Variants in GPC5 observed in about 807,000 individuals in gnomAD.
GPC5 encodes glypican-5.
Under a neutral mutation model 53.9 loss-of-function variants are expected in GPC5, and 47 were observed. The observed-to-expected ratio is 0.87, with a 90% CI of 0.69 to 1.11. The LOEUF is 1.11. Ranked by LOEUF, GPC5 falls within the 50% of genes most tolerant of loss-of-function variation. GPC5 has a pLI of 0.00. For synonymous variants in GPC5, 286 were observed against 263.3 expected (o/e 1.09, Z -0.84); for missense variants, 748 against 713.1 (o/e 1.05, Z -0.56).
intron 6 of GPC5, among the ~76,000 whole-genome samples, chr13:92,114,255 C>T (rs968139083): frequency 1.3e-5 from 2 of 152,190 alleles, no homozygotes; most frequent in Admixed American, 6.5e-5. Context: ...TCCCACCCCA[C>T]GTGTGATTCC....
At chr13:92,341,234 G>T (rs1369369908) in intron 7 of GPC5, among the ~76,000 whole-genome samples, 1 of 151,998 alleles carries the variant, frequency 6.6e-6, no homozygotes, top group Non-Finnish European at 1.5e-5. Flanking sequence ...GACTTCTAGA[G>T]GCTTTACTCT....
intron 7 of GPC5, among the ~76,000 whole-genome samples, chr13:92,491,350 A>C (rs879298834): frequency 7.9e-5 from 12 of 152,184 alleles, no homozygotes; most frequent in Admixed American, 6.5e-5. Context: ...ATTACTTTAT[A>C]TAATTCAGTC....
chr13:92,221,685 C>T (rs778636431), intron 7 of GPC5, among the ~76,000 whole-genome samples: 5 of 151,914 alleles, frequency 3.3e-5, no homozygotes, highest in Non-Finnish European at 7.4e-5. Flanking sequence ...ATTCTTCTTG[C>T]GCAAAGTGCA....
intron 6 of GPC5, among the ~76,000 whole-genome samples, chr13:92,111,763 G>T (rs560941843): frequency 5.2e-4 from 79 of 152,198 alleles, no homozygotes; most frequent in Non-Finnish European, 8.2e-4. Flanking sequence ...GGCAACAATG[G>T]GGAATAACTA....
At chr13:92,702,661 T>C (rs2139252862) in intron 7 of GPC5, among the ~76,000 whole-genome samples, 1 of 152,216 alleles carries the variant, frequency 6.6e-6, no homozygotes, top group Non-Finnish European at 1.5e-5. Flanking sequence ...ATTGCAACAG[T>C]GTCCTAATGG....
In GPC5 at chr13:91,693,318, T is replaced by C; in HGVS notation, c.457T>C (p.Phe153Leu). ...CTTCACTGATGTGGGGCTGTATTTA[T>C]TTGGTGCGGATGTTAATCCTGAAGA... ...EFFTDVGLYL[F>L]GADVNPEEFV... The change falls in exon 3 of 8, where the codon TTT becomes CTT. Residue 153 changes from phenylalanine (F) to leucine (L), a missense_variant. Coordinates refer to ENST00000377067, the MANE Select transcript of GPC5 (RefSeq NM_004466.6). The C allele has an allele frequency of 6.2e-7, 1 of 1,614,108 alleles. No homozygotes were observed. Among genetic ancestry groups the C allele is most frequent in the Non-Finnish European group, 8.5e-7 (1 of 1,180,018 alleles).
intron 1 of GPC5, among the ~76,000 whole-genome samples, chr13:91,410,859 T>C (rs867432480): frequency 2.6e-5 from 4 of 152,130 alleles, no homozygotes; most frequent in Admixed American, 6.5e-5. Flanking sequence ...TTTTCACATC[T>C]CAGCACTTTG....
intron 5 of GPC5, among the ~76,000 whole-genome samples, chr13:91,883,989 T>C (rs1261620512): frequency 6.6e-6 from 1 of 151,590 alleles, no homozygotes; most frequent in African/African-American, 2.4e-5. Flanking sequence ...CCAACAAACA[T>C]ATGAAAAAAA....
At chr13:92,278,793 C>A (rs953968696) in intron 7 of GPC5, among the ~76,000 whole-genome samples, 1 of 151,970 alleles carries the variant, frequency 6.6e-6, no homozygotes, top group African/African-American at 2.4e-5. Context: ...CACTCCTCCC[C>A]CCGTTGACTT....
intron 7 of GPC5, among the ~76,000 whole-genome samples, chr13:92,464,756 A>T (rs975446515): frequency 6.6e-6 from 1 of 152,022 alleles, no homozygotes; most frequent in Non-Finnish European, 1.5e-5. Context: ...ATTATATAGC[A>T]TATCATGATA....
At chr13:91,697,668 AATT>A (rs1156411547) in intron 3 of GPC5, among the ~76,000 whole-genome samples, 1 of 152,112 alleles carries the variant, frequency 6.6e-6, no homozygotes, top group Non-Finnish European at 1.5e-5. Context: ...CTTGTTAATA[AATT>A]ATTAATTCAT....
At chr13:91,989,704 A>G (rs1166351557) in intron 6 of GPC5, among the ~76,000 whole-genome samples, 2 of 152,220 alleles carry the variant, frequency 1.3e-5, no homozygotes, top group Admixed American at 1.3e-4. Flanking sequence ...AAGTGTTTCA[A>G]CAATGATTAC....
intron 7 of GPC5, among the ~76,000 whole-genome samples, chr13:92,480,611 C>G (rs2209831): frequency 1.3e-5 from 2 of 152,026 alleles, no homozygotes; most frequent in Non-Finnish European, 2.9e-5. Context: ...GTCTCATGGT[C>G]GCAAGATGAC....
chr13:92,536,553 A>T (rs1320380344), intron 7 of GPC5, among the ~76,000 whole-genome samples: 1 of 152,138 alleles, frequency 6.6e-6, no homozygotes, highest in African/African-American at 2.4e-5. Context: ...ACCCCACTCT[A>T]GGTGTCCAGC....
intron 7 of GPC5, among the ~76,000 whole-genome samples, chr13:92,625,240 A>G (rs1254862524): frequency 6.6e-6 from 1 of 152,192 alleles, no homozygotes; most frequent in Admixed American, 6.5e-5. Context: ...CACATATTAA[A>G]TTAGTTTCTT....
intron 7 of GPC5, among the ~76,000 whole-genome samples, chr13:92,317,885 G>A (rs1233436520): frequency 1.3e-5 from 2 of 152,054 alleles, no homozygotes; most frequent in African/African-American, 2.4e-5. Context: ...GGAATACCTC[G>A]ACAGTATAAA....
At position 92,152,651 on chromosome 13, in the gene GPC5, A is replaced by G. The variant is rs145090391; in HGVS notation, c.1561+7662A>G. On this transcript the variant is annotated intron_variant, in intron 7 of 7. Coordinates refer to ENST00000377067, the MANE Select transcript of GPC5 (RefSeq NM_004466.6). ...CTACTCAGGAGACTGAGGCAGGAGA[A>G]TGGTGTGAACCCGGGAGGCCGAGCT... Among the ~76,000 whole-genome samples the G allele has an allele frequency of 3.8e-3, 584 of 151,988 alleles. 4 individuals are homozygous for G. Among genetic ancestry groups the G allele is most frequent in the Admixed American group, 8.1e-3 (123 of 15,258 alleles).
intron 4 of GPC5, among the ~76,000 whole-genome samples, chr13:91,729,894 A>G (rs1284313233): frequency 6.6e-6 from 1 of 152,228 alleles, no homozygotes; most frequent in African/African-American, 2.4e-5. Flanking sequence ...CACTAGCAAA[A>G]TGAAACCAAT....
chr13:92,437,826 G>T (rs1359043021), intron 7 of GPC5, among the ~76,000 whole-genome samples: 1 of 151,982 alleles, frequency 6.6e-6, no homozygotes, highest in Non-Finnish European at 1.5e-5. Context: ...CTTCCTTCAG[G>T]TTATTAGCAG....
Sources: gnomAD v4.1 joint callset for allele counts (sites outside exome capture counted in the v4.1 genomes callset) on GRCh38, gnomAD v4.1.1 for gene constraint, MANE v1.5 for transcripts, NCBI Gene and HGNC (gene_info 2026-07-23, HGNC 2026-07-21) for gene names.